FBXL14: variants seen among roughly 807,000 people sequenced by gnomAD.
FBXL14 encodes the protein F-box and leucine rich repeat protein 14.
Under a neutral mutation model 24.5 loss-of-function variants are expected in FBXL14, and 11 were observed. That is an observed-to-expected ratio of 0.45 (90% CI 0.28 to 0.74). The LOEUF is 0.74. Ranked by LOEUF, FBXL14 falls within the 30% of genes least tolerant of loss-of-function variation. The pLI is 0.12. For synonymous variants in FBXL14, 294 were observed against 240.4 expected (o/e 1.22, Z -2.06); for missense variants, 384 against 545.6 (o/e 0.70, Z 2.95).
upstream of FBXL14, among the ~76,000 whole-genome samples, chr12:1,594,806 C>A (rs1395137215): frequency 1.5e-4 from 23 of 151,262 alleles, no homozygotes; most frequent in East Asian, 4.5e-3. Flanking sequence ...GGGCCGGCCC[C>A]GGCTCCGCCG....
At position 1,569,686 on chromosome 12, in the gene FBXL14, C is replaced by T. The variant is rs995338706; in HGVS notation, c.1195-2876G>A. 2.0e-5 allele frequency among the ~76,000 whole-genome samples: 3 copies of T among 152,260 alleles called. No individual in the cohort carries two copies. The highest frequency in any genetic ancestry group is 2.1e-4 in the South Asian group (1 of 4,834). On this transcript the variant is annotated intron_variant, in intron 1 of 1. Transcript: ENST00000339235. This position sits in a 1 kb window ranked among gnomAD's most constrained non-coding sequence, Gnocchi z 4.2. The stretch of plus-strand genomic sequence containing the variant: ...GAGTGCTGGGATTACAGGCGTGAGC[C>T]ACCGCTCCCGGCACCACTTGGTTCT...
chr12:1,576,519 C>G (rs1427175913), intron 1 of FBXL14, among the ~76,000 whole-genome samples: 1 of 152,198 alleles, frequency 6.6e-6, no homozygotes. Flanking sequence ...AGTTCCCGCT[C>G]CTTATCTGGA....
intron 1 of FBXL14, among the ~76,000 whole-genome samples, chr12:1,568,574 C>A (rs1203184209): frequency 3.3e-5 from 5 of 151,988 alleles, no homozygotes; most frequent in Non-Finnish European, 2.9e-5. Context: ...CAATTATGTA[C>A]CCTTAGATAT....
rs777956163 is a variant in FBXL14, at chr12:1,593,734, C to A, written c.333G>T (p.Ala111=). The A allele has an allele frequency of 6.8e-6, 11 of 1,614,046 alleles. No homozygotes were observed. Among genetic ancestry groups the A allele is most frequent in the Middle Eastern group, 1.6e-4 (1 of 6,084 alleles). ...GCAGGGAGCCGATCTCCTGCACAAA[C>A]GCGTGGCCCAGCCCGTTGTCGGTGA... is the stretch of plus-strand genomic sequence containing the variant. ...YNLTDNGLGH[A]FVQEIGSLRA... is the part of the protein sequence containing the mutation. The change falls in exon 1 of 2, where the codon GCG becomes GCT. Residue 111 remains alanine (A), a synonymous_variant. Transcript: ENST00000339235. The surrounding 1 kb of genome is among the most constrained non-coding windows in gnomAD (Gnocchi z 7.4).
chr12:1,585,283 C>G (rs369975106), intron 1 of FBXL14, among the ~76,000 whole-genome samples: 11 of 152,062 alleles, frequency 7.2e-5, no homozygotes, highest in East Asian at 5.8e-4. Context: ...CTGTGGTCCC[C>G]GCTACTCGGG....
chr12:1,584,046 A>G (rs1043109840), intron 1 of FBXL14, among the ~76,000 whole-genome samples: 7 of 152,152 alleles, frequency 4.6e-5, no homozygotes, highest in Non-Finnish European at 8.8e-5. Context: ...TAACCCACAT[A>G]TGCACATTTT....
intron 1 of FBXL14, among the ~76,000 whole-genome samples, chr12:1,572,663 T>A (rs567244948): frequency 6.6e-5 from 10 of 152,274 alleles, no homozygotes; most frequent in African/African-American, 2.4e-4. Context: ...CAGGGCCAGG[T>A]TATCGAGGAT....
chr12:1,592,729 C>T (rs895140338), intron 1 of FBXL14, 144 bp downstream of exon 1: 21 of 720,474 alleles, frequency 2.9e-5, no homozygotes, highest in Non-Finnish European at 4.0e-5. Context: ...GAGGAGGAAA[C>T]GAGCCTGAGG....
chr12:1,589,495 A>AGGG (rs1258065407), intron 1 of FBXL14, among the ~76,000 whole-genome samples: 2 of 77,904 alleles, frequency 2.6e-5, no homozygotes, highest in African/African-American at 1.0e-4. Flanking sequence ...GGAGGGAGGG[A>AGGG]GGGAGGGAAA....
At chr12:1,585,191 G>A (rs1394864903) in intron 1 of FBXL14, among the ~76,000 whole-genome samples, 2 of 152,174 alleles carry the variant, frequency 1.3e-5, no homozygotes, top group South Asian at 2.1e-4. Context: ...AAGGTCAGGA[G>A]ATCGAGACCA....
intron 1 of FBXL14, among the ~76,000 whole-genome samples, chr12:1,575,741 G>A (rs1323373961): frequency 6.6e-6 from 1 of 152,132 alleles, no homozygotes; most frequent in Admixed American, 6.5e-5. Context: ...GTGGTTTCTC[G>A]GTAGGAAAAT....
upstream of FBXL14, among the ~76,000 whole-genome samples, chr12:1,594,837 G>GCCGCTC (rs765735748): frequency 4.0e-5 from 6 of 151,754 alleles, no homozygotes; most frequent in East Asian, 1.9e-4. Flanking sequence ...CGTCCCCTCC[G>GCCGCTC]CCGCTCCCGC....
At chr12:1,584,099 C>G (rs936349848) in intron 1 of FBXL14, among the ~76,000 whole-genome samples, 1 of 152,054 alleles carries the variant, frequency 6.6e-6, no homozygotes, top group Non-Finnish European at 1.5e-5. Context: ...AATCTCAGCA[C>G]TTTGGGAGGC....
At position 1,589,514 on chromosome 12, in the gene FBXL14, T is replaced by A. The variant is rs551252778; in HGVS notation, c.1194+3359A>T. 4.1e-4 allele frequency among the ~76,000 whole-genome samples: 58 copies of A among 140,348 alleles called. 2 individuals are homozygous for A. Among genetic ancestry groups the A allele is most frequent in the African/African-American group, 1.5e-3 (56 of 36,796 alleles). The allele number at this position is 140,348 out of a possible 152,430, so 92.1% of individuals were successfully genotyped here. A position where few individuals can be genotyped will look rare whatever the true frequency, so the allele number is the denominator to read the frequency against. On this transcript the variant is annotated intron_variant, in intron 1 of 1. Coordinates refer to ENST00000339235, the MANE Select transcript of FBXL14 (RefSeq NM_152441.3). ...GGAGGGAGGGAGGGAAATGGAGAAA[T>A]GGAGCCTAGGTTTGAATCCTGGCTC...
At position 1,569,044 on chromosome 12, in the gene FBXL14, A is replaced by G. The variant is rs1415329597; in HGVS notation, c.1195-2234T>C. ...TATCTTTAATAATATAAGCATAATT[A>G]TAATCTCACAAGTATTTTCATAGGA... On this transcript the variant is annotated intron_variant, in intron 1 of 1. Transcript: ENST00000339235. This position sits in a 1 kb window ranked among gnomAD's most constrained non-coding sequence, Gnocchi z 4.2. Among the ~76,000 whole-genome samples, 1 of 152,236 alleles carries G rather than the reference A, an allele frequency of 6.6e-6. No individual in the cohort carries two copies. The highest frequency in any genetic ancestry group is 2.4e-5 in the African/African-American group (1 of 41,444).
intron 1 of FBXL14, among the ~76,000 whole-genome samples, chr12:1,585,709 T>C (rs532698512): frequency 6.6e-6 from 1 of 152,316 alleles, no homozygotes; most frequent in Non-Finnish European, 1.5e-5. Flanking sequence ...GGGGGAGTAA[T>C]AAATATAAGA....
Position 1,567,763 on chromosome 12 carries a change from G to T in FBXL14, c.1195-953C>A, listed in dbSNP as rs1326307062. On this transcript the variant is annotated intron_variant, in intron 1 of 1. Coordinates refer to ENST00000339235, the MANE Select transcript of FBXL14 (RefSeq NM_152441.3). The surrounding 1 kb of genome is among the most constrained non-coding windows in gnomAD (Gnocchi z 4.8). Reference sequence around the variant, plus strand: ...CACGGTGACGGAAATGAAGAATGCCGCTGATGGGCTTTGATGGATTTGTGG... The same window carrying T: ...CACGGTGACGGAAATGAAGAATGCCTCTGATGGGCTTTGATGGATTTGTGG... Among the ~76,000 whole-genome samples the T allele has an allele frequency of 6.6e-6, 1 of 152,238 alleles. No individual in the cohort carries two copies. The highest frequency in any genetic ancestry group is 1.5e-5 in the Non-Finnish European group (1 of 68,044).
intron 1 of FBXL14, among the ~76,000 whole-genome samples, chr12:1,570,391 T>C (rs1030722973): frequency 4.6e-5 from 7 of 152,162 alleles, no homozygotes; most frequent in African/African-American, 1.7e-4. Flanking sequence ...GGAGCACTCA[T>C]CTCTGGCATC....
At position 1,566,428 on chromosome 12, in the gene FBXL14, T is replaced by C. The variant is rs2094436389; in HGVS notation, c.*320A>G. On this transcript the variant is annotated 3_prime_UTR_variant, in exon 2 of 2. Transcript: ENST00000339235. ...TATGTATAAAATTAAAGTGTGGAAC[T>C]TGTAGTTTCCTGTCGAAGAAGCTTG... The C allele has an allele frequency of 3.7e-6, 1 of 269,464 alleles. No individual in the cohort carries two copies. The highest frequency in any genetic ancestry group is 2.2e-5 in the African/African-American group (1 of 45,440). 16.7% of individuals were successfully genotyped at this position (269,464 alleles called of 1,614,324 possible).
Sources: gnomAD v4.1 joint callset for allele counts (sites outside exome capture counted in the v4.1 genomes callset) on GRCh38, gnomAD v4.1.1 for gene constraint, Gnocchi (gnomAD v3.1) non-coding constraint, MANE v1.5 for transcripts, NCBI Gene and HGNC (gene_info 2026-07-23, HGNC 2026-07-21) for gene names.